REEP3: variants seen among roughly 807,000 people sequenced by gnomAD.
REEP3 encodes the protein receptor accessory protein 3.
A neutral mutation model predicts 41.3 loss-of-function variants in REEP3; 20 were observed. The ratio of observed to expected loss-of-function variants is 0.48; its 90% CI spans 0.34 to 0.70. The LOEUF (loss-of-function observed/expected upper bound fraction) is 0.70. Among genes scored for constraint, REEP3 ranks in the 30% least tolerant of loss-of-function variants. The pLI is 0.01. For missense variants in REEP3, 271 were observed against 308.8 expected, an observed-to-expected ratio of 0.88 and a Z score of 0.92; for synonymous variants, 104 against 101.8, an observed-to-expected ratio of 1.02 and a Z score of -0.13.
intron 5 of REEP3, among the ~76,000 whole-genome samples, chr10:63,601,645 G>C (rs576541823): frequency 2.0e-5 from 3 of 152,202 alleles, no homozygotes; most frequent in South Asian, 4.1e-4. Context: ...GAGGCTGGGC[G>C]TGGTGGCTCA....
chr10:63,533,018 TA>T (rs1955438571), intron 1 of REEP3, among the ~76,000 whole-genome samples: 1 of 152,240 alleles, frequency 6.6e-6, no homozygotes, highest in Non-Finnish European at 1.5e-5. Context: ...AGGTAGGTCT[TA>T]TAAGGAAGCC....
chr10:63,556,142 T>A (rs12253452), intron 1 of REEP3, among the ~76,000 whole-genome samples: 53,086 of 151,940 alleles, frequency 0.35, 10,084 homozygotes, highest in African/African-American at 0.48. Context: ...TATTATTTAT[T>A]TATTTATTTG....
At chr10:63,521,642 G>A in intron 1 of REEP3, 65 bp downstream of exon 1, 1 of 1,227,450 alleles carries the variant, frequency 8.1e-7, no homozygotes, top group Non-Finnish European at 1.1e-6. Context: ...GAAGGGGAAG[G>A]AGCCGAGAGG....
chr10:63,620,112 TTG>T (rs1956342498), intron 7 of REEP3, among the ~76,000 whole-genome samples: 1 of 151,770 alleles, frequency 6.6e-6, no homozygotes, highest in African/African-American at 2.4e-5. Flanking sequence ...TTTTCATTTT[TTG>T]TAGAGACAGG....
intron 1 of REEP3, among the ~76,000 whole-genome samples, chr10:63,538,813 G>A (rs1589859014): frequency 6.6e-6 from 1 of 152,148 alleles, no homozygotes; most frequent in East Asian, 1.9e-4. Flanking sequence ...TTTCCATGTG[G>A]TCAACATTGC....
At chr10:63,528,344 A>G (rs577750177) in intron 1 of REEP3, among the ~76,000 whole-genome samples, 1 of 152,290 alleles carries the variant, frequency 6.6e-6, no homozygotes. Context: ...CCTTGGGATC[A>G]TACCATCCTT....
At chr10:63,556,924 C>T (rs1955692954) in intron 1 of REEP3, among the ~76,000 whole-genome samples, 1 of 151,996 alleles carries the variant, frequency 6.6e-6, no homozygotes, top group African/African-American at 2.4e-5. Flanking sequence ...CGTGAGCCAC[C>T]GCGCCCGGCC....
intron 1 of REEP3, among the ~76,000 whole-genome samples, chr10:63,523,043 G>A (rs1296257565): frequency 6.7e-6 from 1 of 150,170 alleles, no homozygotes; most frequent in Non-Finnish European, 1.5e-5. Context: ...AAAAGCCTCT[G>A]GATTTCTTTG....
intron 1 of REEP3, among the ~76,000 whole-genome samples, chr10:63,549,201 T>A (rs546531745): frequency 6.6e-6 from 1 of 152,280 alleles, no homozygotes; most frequent in Admixed American, 6.5e-5. Context: ...AGCATAAAGC[T>A]AGAAACCAAA....
At chr10:63,522,585 G>GA (rs1367196703) in intron 1 of REEP3, among the ~76,000 whole-genome samples, 1 of 152,110 alleles carries the variant, frequency 6.6e-6, no homozygotes, top group Admixed American at 6.5e-5. Flanking sequence ...AAAGGTATAT[G>GA]AAAAAATGTT....
At chr10:63,524,869 G>T (rs1377226176) in intron 1 of REEP3, among the ~76,000 whole-genome samples, 1 of 152,054 alleles carries the variant, frequency 6.6e-6, no homozygotes, top group Non-Finnish European at 1.5e-5. Flanking sequence ...AAAATTAGCC[G>T]GGCGTGATGG....
intron 1 of REEP3, among the ~76,000 whole-genome samples, chr10:63,556,607 T>G (rs1284374986): frequency 1.2e-5 from 1 of 86,012 alleles, no homozygotes; most frequent in African/African-American, 4.6e-5. Context: ...TTGTTTTCTG[T>G]TTGCTTGTTT....
intron 6 of REEP3, among the ~76,000 whole-genome samples, chr10:63,617,282 C>T (rs1313357933): frequency 2.6e-5 from 4 of 152,144 alleles, no homozygotes; most frequent in Admixed American, 2.0e-4. Flanking sequence ...AAAATTATAC[C>T]TGACTAATAT....
chr10:63,593,776 G>T (rs753702290), intron 2 of REEP3, among the ~76,000 whole-genome samples: 1 of 152,190 alleles, frequency 6.6e-6, no homozygotes, highest in Non-Finnish European at 1.5e-5. Flanking sequence ...GAGTGCCAGG[G>T]ACCATTCAGC....
intron 1 of REEP3, among the ~76,000 whole-genome samples, chr10:63,544,991 C>T (rs137928386): frequency 6.6e-6 from 1 of 152,166 alleles, no homozygotes; most frequent in Non-Finnish European, 1.5e-5. Context: ...ATTTCTATGA[C>T]CAGCAGAAAA....
At chr10:63,527,750 A>G (rs1031792873) in intron 1 of REEP3, among the ~76,000 whole-genome samples, 3 of 152,090 alleles carry the variant, frequency 2.0e-5, no homozygotes, top group Non-Finnish European at 4.4e-5. Context: ...TCTTTCCTTC[A>G]GGGTACTCTG....
Position 63,544,430 on chromosome 10 carries a change from G to C in REEP3, c.33-21908G>C, listed in dbSNP as rs1206921386. On this transcript the variant is annotated intron_variant, in intron 1 of 7. Transcript: ENST00000373758. ...AGGCTGAAGTGAGTATTTGGGACAT[G>C]GGAACAGATATGAAAGAGATTTAGG... 2.0e-5 allele frequency among the ~76,000 whole-genome samples: 3 copies of C among 152,230 alleles called. No homozygotes were observed. The South Asian group carries it at 6.2e-4, about 32-fold the overall frequency.
At chr10:63,566,494 C>T in intron 2 of REEP3, 84 bp downstream of exon 2, 1 of 772,504 alleles carries the variant, frequency 1.3e-6, no homozygotes, top group South Asian at 1.7e-5. Flanking sequence ...TTAGAAACGG[C>T]TGGAGTAGTG....
chr10:63,529,007 A>G (rs536469147), intron 1 of REEP3, among the ~76,000 whole-genome samples: 4 of 152,374 alleles, frequency 2.6e-5, no homozygotes, highest in African/African-American at 4.8e-5. Flanking sequence ...TTCATTGCAC[A>G]CAAAAGAAGC....
Sources: allele counts gnomAD v4.1 joint callset (sites outside exome capture counted in the v4.1 genomes callset), GRCh38; gene constraint gnomAD v4.1.1; transcripts MANE v1.5; gene names NCBI Gene and HGNC (gene_info 2026-07-23, HGNC 2026-07-21).